MFHAS1: variants seen among roughly 807,000 people sequenced by gnomAD.
The protein encoded by MFHAS1 is multifunctional ROCO family signaling regulator 1.
Under a neutral mutation model 70.4 loss-of-function variants are expected in MFHAS1, and 50 were observed. That is an observed-to-expected ratio of 0.71 (90% CI 0.57 to 0.90). The LOEUF (loss-of-function observed/expected upper bound fraction) is 0.90. Among genes scored for constraint, MFHAS1 ranks in the 40% least tolerant of loss-of-function variants. MFHAS1 has a pLI of 0.00. For missense variants in MFHAS1, 1,795 were observed against 1,347.6 expected (o/e 1.33, Z -5.20); for synonymous variants, 952 against 620.0 (o/e 1.54, Z -7.96).
chr8:8,826,244 AAG>A (rs1160159953), intron 1 of MFHAS1, among the ~76,000 whole-genome samples: 1 of 77,982 alleles, frequency 1.3e-5, no homozygotes, highest in Non-Finnish European at 2.9e-5. Context: ...TGCAAACACA[AAG>A]AGTGTGTGTG....
At position 8,784,155 on chromosome 8, in the gene MFHAS1, T is replaced by C. The variant is rs1805453509; in HGVS notation, c.*1867A>G. 1 of 152,178 alleles carries C rather than the reference T, an allele frequency of 6.6e-6. No individual in the cohort carries two copies. The highest frequency in any genetic ancestry group is 1.5e-5 in the Non-Finnish European group (1 of 68,032). The allele number at this position is 152,178 out of a possible 1,614,324, so 9.4% of individuals were successfully genotyped here. ...AAAATCATACAAATAAGCCTTTTTC[T>C]AAAGACAGGTCAAAGTTGGTTAATT... On this transcript the variant is annotated 3_prime_UTR_variant, in exon 3 of 3. Transcript: ENST00000276282.
intron 1 of MFHAS1, among the ~76,000 whole-genome samples, chr8:8,828,943 G>C (rs1338418133): frequency 6.6e-6 from 1 of 152,052 alleles, no homozygotes; most frequent in African/African-American, 2.4e-5. Context: ...AATCTGCTAA[G>C]AGCACCCCTG....
chr8:8,826,418 T>C (rs1807165138), intron 1 of MFHAS1, among the ~76,000 whole-genome samples: 1 of 152,144 alleles, frequency 6.6e-6, no homozygotes, highest in Non-Finnish European at 1.5e-5. Flanking sequence ...AGCCATGGGA[T>C]AGTTCTAGCC....
chr8:8,840,461 C>CAAAAA (rs141909980), intron 1 of MFHAS1, among the ~76,000 whole-genome samples: 630 of 80,002 alleles, frequency 7.9e-3, no homozygotes, highest in East Asian at 0.017. Flanking sequence ...CATCTCAATA[C>CAAAAA]AAAAAAAAAA....
intron 1 of MFHAS1, among the ~76,000 whole-genome samples, chr8:8,818,353 G>A (rs887334695): frequency 2.6e-5 from 4 of 152,166 alleles, no homozygotes; most frequent in African/African-American, 9.7e-5. Context: ...GGTGAAACTG[G>A]TCTTCCACCT....
At chr8:8,877,988 C>A (rs551605873) in intron 1 of MFHAS1, among the ~76,000 whole-genome samples, 1 of 152,314 alleles carries the variant, frequency 6.6e-6, no homozygotes, top group East Asian at 1.9e-4. Context: ...GGCATTCTAA[C>A]TTGAAATGCT....
At chr8:8,796,153 T>G (rs1487583986) in intron 2 of MFHAS1, among the ~76,000 whole-genome samples, 1 of 152,154 alleles carries the variant, frequency 6.6e-6, no homozygotes, top group Non-Finnish European at 1.5e-5. Flanking sequence ...TTATCTAGAA[T>G]AGTAGTAACC....
At chr8:8,807,533 A>G (rs1421087474) in intron 1 of MFHAS1, among the ~76,000 whole-genome samples, 1 of 152,048 alleles carries the variant, frequency 6.6e-6, no homozygotes, top group Non-Finnish European at 1.5e-5. Context: ...TGCCTTAGTA[A>G]TCTTCTTATT....
chr8:8,890,477 G>A lies in MFHAS1; in HGVS notation c.2582C>T (p.Ala861Val). Residue 861 changes from alanine (A) to valine (V), a missense_variant, in exon 1 of 3, where the codon GCA becomes GTA. Ala to Val is a moderately conservative substitution (Grantham distance 64). Transcript: ENST00000276282. ...GTTGGTCCCATTAATCCAGGCTTCT[G>A]CATGGGGCACCTCGTTCTGCACATA... The part of the protein sequence containing the change: ...PCYVQNEVPH[A>V]EAWINGTNLA... 6.2e-7 allele frequency: 1 copy of A among 1,613,806 alleles called. No homozygotes were observed. The highest frequency in any genetic ancestry group is 8.5e-7 in the Non-Finnish European group (1 of 1,180,048).
Position 8,812,854 on chromosome 8 carries a change from C to A in MFHAS1, c.2999-15363G>T, listed in dbSNP as rs984620054. 3.9e-5 allele frequency among the ~76,000 whole-genome samples: 6 copies of A among 152,290 alleles called. 1 individual carries two copies. Among genetic ancestry groups the A allele is most frequent in the Admixed American group, 3.9e-4 (6 of 15,306 alleles). On this transcript the variant is annotated intron_variant, in intron 1 of 2. Transcript: ENST00000276282. ...TGATCTGAGCTCACTGCAACCTCCA[C>A]CTCCTGGGTTCAAGCGATTCTCTGG...
rs374395140 is a variant in MFHAS1 at position 8,810,492 on chromosome 8, C to G, written c.2999-13001G>C. ...CCTCCTGAGAGAGCAAGTCCAACCC[C>G]TCCTCTTCCTCCTCCTCAGCTCACT... On this transcript the variant is annotated intron_variant, in intron 1 of 2. Transcript: ENST00000276282. Among the ~76,000 whole-genome samples, 53 of 152,344 alleles carry G rather than the reference C, an allele frequency of 3.5e-4. 1 individual carries two copies. Among genetic ancestry groups the G allele is most frequent in the African/African-American group, 1.3e-3 (52 of 41,582 alleles).
intron 1 of MFHAS1, among the ~76,000 whole-genome samples, chr8:8,861,337 T>C (rs967734814): frequency 2.3e-4 from 35 of 152,208 alleles, no homozygotes; most frequent in African/African-American, 8.4e-4. Flanking sequence ...GCTGCTTTTG[T>C]AGGTCAAGAA....
chr8:8,893,149 G>T lies in MFHAS1; in HGVS notation c.-91C>A. On this transcript the variant is annotated 5_prime_UTR_variant, in exon 1 of 3. Transcript: ENST00000276282. ...CCCGGGCCCTCCGGCTCCTGCCCCTGCCTGCCCTCCCGCGCTCGGCGGCCG... is the reference window on the plus strand; with the variant it reads ...CCCGGGCCCTCCGGCTCCTGCCCCTTCCTGCCCTCCCGCGCTCGGCGGCCG... The T allele has an allele frequency of 1.2e-6, 1 of 869,476 alleles. No homozygotes were observed. The highest frequency in any genetic ancestry group is 1.5e-6 in the Non-Finnish European group (1 of 658,094). The allele number at this position is 869,476 out of a possible 1,614,324, so 53.9% of individuals were successfully genotyped here. A position where few individuals can be genotyped will look rare whatever the true frequency, so the allele number is the denominator to read the frequency against.
At chr8:8,855,839 G>C (rs930674940) in intron 1 of MFHAS1, among the ~76,000 whole-genome samples, 1 of 152,210 alleles carries the variant, frequency 6.6e-6, no homozygotes, top group Non-Finnish European at 1.5e-5. Flanking sequence ...TTCGGCAACA[G>C]AGTGAGACGC....
chr8:8,809,710 G>C (rs1180446773), intron 1 of MFHAS1, among the ~76,000 whole-genome samples: 1 of 152,210 alleles, frequency 6.6e-6, no homozygotes, highest in Non-Finnish European at 1.5e-5. Flanking sequence ...AAGACAGTTG[G>C]GGAGAGGGGG....
Position 8,878,150 on chromosome 8 carries a change from C to T in MFHAS1, c.2998+11911G>A, listed in dbSNP as rs1464534967. Among the ~76,000 whole-genome samples, 3 of 152,118 alleles carry T rather than the reference C, an allele frequency of 2.0e-5. No homozygotes were observed. The East Asian group carries it at 5.8e-4, about 29-fold the overall frequency. On this transcript the variant is annotated intron_variant, in intron 1 of 2. Coordinates refer to ENST00000276282, the MANE Select transcript of MFHAS1 (RefSeq NM_004225.3). ...ACCATGACCTCCGCTGACCTCTGCA[C>T]GGGCAGCTCCTGTGCAGTACCAGAC... is the stretch of plus-strand genomic sequence containing the variant.
chr8:8,868,871 G>A (rs997232012), intron 1 of MFHAS1, among the ~76,000 whole-genome samples: 1 of 151,996 alleles, frequency 6.6e-6, no homozygotes, highest in Non-Finnish European at 1.5e-5. Flanking sequence ...TAGGGGAAGA[G>A]AAAAAGGGAG....
chr8:8,849,064 C>CTTTTTT lies in MFHAS1; in HGVS notation c.2998+40991_2998+40996dup, dbSNP rs145250762. Among the ~76,000 whole-genome samples, 163 of 75,806 alleles carry CTTTTTT rather than the reference C, an allele frequency of 2.2e-3. 6 individuals are homozygous for CTTTTTT. The highest frequency in any genetic ancestry group is 3.8e-3 in the African/African-American group (80 of 20,924). 49.7% of individuals were successfully genotyped at this position (75,806 alleles called of 152,430 possible). On this transcript the variant is annotated intron_variant, in intron 1 of 2. Transcript: ENST00000276282. ...TCTGCAGCAATTAATTCCTTTTTAC[C>CTTTTTT]TTTTTTTTTTTTTTTTTTTTTTTTT...
At chr8:8,803,694 G>C (rs927837330) in intron 1 of MFHAS1, among the ~76,000 whole-genome samples, 1 of 151,836 alleles carries the variant, frequency 6.6e-6, no homozygotes, top group African/African-American at 2.4e-5. Context: ...GGAGGAGGCT[G>C]GGAGCAGTGG....
Sources: gnomAD v4.1 joint callset for allele counts (sites outside exome capture counted in the v4.1 genomes callset) on GRCh38, gnomAD v4.1.1 for gene constraint, MANE v1.5 for transcripts, NCBI Gene and HGNC (gene_info 2026-07-23, HGNC 2026-07-21) for gene names.